The following MAP3K20 variants were observed in gnomAD, a reference collection of about 807,000 sequenced individuals.
MAP3K20 encodes the protein mitogen-activated protein kinase kinase kinase 20.
In MAP3K20, 40 loss-of-function variants were observed where a neutral mutation model predicts 85.7. That is an observed-to-expected ratio of 0.47 (90% CI 0.36 to 0.61). MAP3K20 has a LOEUF of 0.61. Among genes scored for constraint, MAP3K20 ranks in the 20% least tolerant of loss-of-function variants. MAP3K20 has a pLI of 0.00. For synonymous variants in MAP3K20, 325 were observed against 327.7 expected, an observed-to-expected ratio of 0.99 and a Z score of 0.09; for missense variants, 817 against 961.7, an observed-to-expected ratio of 0.85 and a Z score of 1.99.
chr2:173,199,666 T>G (rs1005568196), intron 8 of MAP3K20, among the ~76,000 whole-genome samples: 4 of 150,114 alleles, frequency 2.7e-5, no homozygotes, highest in South Asian at 2.1e-4. Flanking sequence ...AAGGTTGTTT[T>G]TTTTTTTTTT....
At chr2:173,236,266 T>TAA (rs67764486) in intron 14 of MAP3K20, among the ~76,000 whole-genome samples, 1,985 of 64,686 alleles carry the variant, frequency 0.031, 72 homozygotes, top group African/African-American at 0.056. Context: ...AGACCCTGTC[T>TAA]AAAAAAAAAA....
chr2:173,170,324 A>G (rs1008764206), intron 3 of MAP3K20, among the ~76,000 whole-genome samples: 2 of 152,194 alleles, frequency 1.3e-5, no homozygotes, highest in African/African-American at 4.8e-5. Context: ...CTGACATAAG[A>G]ACAATATTTT....
chr2:173,224,109 A>C (rs771796925), intron 11 of MAP3K20: 148 of 851,214 alleles, frequency 1.7e-4, no homozygotes, highest in Non-Finnish European at 2.0e-4. Flanking sequence ...AATGCATCAT[A>C]TGTTCACATT....
intron 3 of MAP3K20, among the ~76,000 whole-genome samples, chr2:173,180,758 C>G (rs1690301279): frequency 6.6e-6 from 1 of 151,854 alleles, no homozygotes; most frequent in South Asian, 2.1e-4. Context: ...CAAAATGGAT[C>G]ATAAGCCTAA....
At chr2:173,179,391 CAA>C (rs56111907) in intron 3 of MAP3K20, among the ~76,000 whole-genome samples, 2 of 129,466 alleles carry the variant, frequency 1.5e-5, no homozygotes, top group Non-Finnish European at 1.6e-5. Context: ...GACTCCATCT[CAA>C]AAAAAAAAAA....
At chr2:173,168,658 A>G (rs1689909077) in intron 2 of MAP3K20, among the ~76,000 whole-genome samples, 2 of 152,170 alleles carry the variant, frequency 1.3e-5, no homozygotes, top group Non-Finnish European at 2.9e-5. Flanking sequence ...GGACTTATAA[A>G]TCTCCAGTCT....
chr2:173,195,071 T>C (rs911386691), intron 7 of MAP3K20, among the ~76,000 whole-genome samples: 1 of 151,576 alleles, frequency 6.6e-6, no homozygotes, highest in Non-Finnish European at 1.5e-5. Flanking sequence ...TACCCTCTTA[T>C]GAGAACTCTT....
At chr2:173,228,221 G>A (rs999154356) in intron 11 of MAP3K20, among the ~76,000 whole-genome samples, 8 of 152,124 alleles carry the variant, frequency 5.3e-5, no homozygotes, top group Non-Finnish European at 1.2e-4. Flanking sequence ...TTCAGCTAGT[G>A]GGTTTTTCCG....
rs1689564360 is a variant in MAP3K20, at chr2:173,159,053, A to T, written c.160-10752A>T. 2.6e-5 allele frequency among the ~76,000 whole-genome samples: 4 copies of T among 152,344 alleles called. 1 individual carries two copies. In the South Asian group the frequency reaches 8.3e-4, roughly 32 times the overall value. ...TTGTGCAATCAAGTCATTTTGTAGG[A>T]AGGAAAAAAGGCCCAGAGTGACCAG... is the stretch of plus-strand genomic sequence containing the variant. On this transcript the variant is annotated intron_variant, in intron 2 of 19. Transcript: ENST00000375213.
At chr2:173,242,301 C>G (rs981752482) in intron 16 of MAP3K20, among the ~76,000 whole-genome samples, 6 of 151,586 alleles carry the variant, frequency 4.0e-5, no homozygotes, top group African/African-American at 1.5e-4. Flanking sequence ...TCAGAAGTAC[C>G]TGGGATTACA....
chr2:173,261,923 C>T (rs574458273), intron 18 of MAP3K20, among the ~76,000 whole-genome samples: 9 of 151,206 alleles, frequency 6.0e-5, no homozygotes, highest in Non-Finnish European at 1.3e-4. Flanking sequence ...AGGTTGAAGT[C>T]GGGGGATTGC....
rs1389740974 is a variant in MAP3K20 at position 173,090,998 on chromosome 2, A to C, written c.-34A>C. 2 of 1,568,360 alleles carry C rather than the reference A, an allele frequency of 1.3e-6. No individual in the cohort carries two copies. The highest frequency in any genetic ancestry group is 4.0e-5 in the Admixed American group (2 of 50,296). On this transcript the variant is annotated splice_region_variant and 5_prime_UTR_variant, in exon 2 of 20. Transcript: ENST00000375213. ...CTTTTCTTTTTCTTTCTTTCTGCAG[A>C]TTTTGTGGAAGTATAATACTTTGTC...
intron 2 of MAP3K20, 150 bp downstream of exon 2, chr2:173,091,340 GC>G: frequency 1.4e-6 from 1 of 735,800 alleles, no homozygotes. Flanking sequence ...CATTCTGGGA[GC>G]CCCATAAATA....
intron 3 of MAP3K20, among the ~76,000 whole-genome samples, chr2:173,181,116 G>T (rs756924137): frequency 2.0e-5 from 3 of 152,120 alleles, no homozygotes; most frequent in African/African-American, 7.2e-5. Context: ...GGGGCTAATA[G>T]GCACATAAAA....
chr2:173,091,429 T>C (rs571457866), intron 2 of MAP3K20, among the ~76,000 whole-genome samples: 1 of 152,280 alleles, frequency 6.6e-6, no homozygotes, highest in East Asian at 1.9e-4. Context: ...TTCCAGGGCA[T>C]GAAAGACCAA....
At chr2:173,259,289 G>A (rs1331688414) in intron 17 of MAP3K20, among the ~76,000 whole-genome samples, 1 of 152,112 alleles carries the variant, frequency 6.6e-6, no homozygotes, top group African/African-American at 2.4e-5. Flanking sequence ...ATGAATTCCT[G>A]GAGTGGCCAG....
intron 18 of MAP3K20, among the ~76,000 whole-genome samples, chr2:173,262,068 AG>A (rs1685307807): frequency 6.6e-6 from 1 of 152,078 alleles, no homozygotes. Flanking sequence ...TTTTGCAGAT[AG>A]GAAGAATAGG....
intron 3 of MAP3K20, among the ~76,000 whole-genome samples, chr2:173,176,387 T>C (rs922128771): frequency 1.3e-5 from 2 of 151,994 alleles, no homozygotes; most frequent in African/African-American, 4.8e-5. Flanking sequence ...TATGTAGATA[T>C]ATTAATATAT....
intron 18 of MAP3K20, among the ~76,000 whole-genome samples, chr2:173,263,139 A>T (rs186643024): frequency 1.3e-5 from 2 of 152,354 alleles, no homozygotes; most frequent in Non-Finnish European, 2.9e-5. Flanking sequence ...TTTCAGAACA[A>T]GAAAGTAATG....
Sources: gnomAD v4.1 joint callset for allele counts (sites outside exome capture counted in the v4.1 genomes callset) on GRCh38, gnomAD v4.1.1 for gene constraint, MANE v1.5 for transcripts, NCBI Gene and HGNC (gene_info 2026-07-23, HGNC 2026-07-21) for gene names.